Variants in SLC23A2 observed in about 807,000 individuals in gnomAD.
The protein encoded by SLC23A2 is Na(+)/L-ascorbic acid transporter 2.
In SLC23A2, 36 loss-of-function variants were observed where a neutral mutation model predicts 73.3. That is an observed-to-expected ratio of 0.49 (90% CI 0.38 to 0.65). SLC23A2 has a LOEUF of 0.65. Ranked by LOEUF, SLC23A2 falls within the 30% of genes least tolerant of loss-of-function variation. The pLI, the probability that SLC23A2 is intolerant of heterozygous loss-of-function variation, is 0.00. For missense variants in SLC23A2, 507 were observed against 841.6 expected (o/e 0.60, Z 4.92); for synonymous variants, 343 against 327.3 (o/e 1.05, Z -0.52).
At chr20:4,914,318 G>A (rs1465864696) in intron 3 of SLC23A2, among the ~76,000 whole-genome samples, 1 of 151,978 alleles carries the variant, frequency 6.6e-6, no homozygotes, top group Non-Finnish European at 1.5e-5. Context: ...ATTCATAGAA[G>A]AAAAACATAT....
intron 1 of SLC23A2, 125 bp downstream of exon 1, chr20:5,001,281 G>A (rs1432762785): frequency 6.8e-6 from 1 of 147,614 alleles, no homozygotes; most frequent in Non-Finnish European, 1.5e-5. Flanking sequence ...GCGCCGCGGG[G>A]CCGGTGGGTG....
intron 1 of SLC23A2, among the ~76,000 whole-genome samples, chr20:4,991,123 T>G (rs1159185844): frequency 1.3e-5 from 2 of 152,092 alleles, no homozygotes; most frequent in African/African-American, 4.8e-5. Context: ...TTCTTTGTTT[T>G]TGAGCAGGGT....
At position 4,883,589 on chromosome 20, in the gene SLC23A2, G is replaced by A. The variant is rs1930977702; in HGVS notation, c.824+53C>T. ...ATTATCTCCTGAAGTCTGTGTGAAT[G>A]TTCCTAAAGGCTGCCCCGCAGTGGT... On this transcript the variant is annotated intron_variant, in intron 9 of 16. Transcript: ENST00000338244. The surrounding 1 kb of genome is among the most constrained non-coding windows in gnomAD (Gnocchi z 4.5). 7.8e-7 allele frequency: 1 copy of A among 1,275,688 alleles called. No individual in the cohort carries two copies. The highest frequency in any genetic ancestry group is 2.4e-5 in the East Asian group (1 of 41,316). The allele number at this position is 1,275,688 out of a possible 1,614,324, so 79.0% of individuals were successfully genotyped here.
intron 1 of SLC23A2, among the ~76,000 whole-genome samples, chr20:4,979,414 G>C (rs946030695): frequency 2.6e-5 from 4 of 152,036 alleles, no homozygotes; most frequent in African/African-American, 4.8e-5. Context: ...CACATTTACT[G>C]GGACAATGGG....
chr20:4,993,280 C>T (rs552599689), intron 1 of SLC23A2, among the ~76,000 whole-genome samples: 2 of 143,328 alleles, frequency 1.4e-5, no homozygotes, highest in South Asian at 4.5e-4. Context: ...TGCACCCCAG[C>T]CTGGGCGACA....
intron 2 of SLC23A2, among the ~76,000 whole-genome samples, chr20:4,961,109 CTTT>C (rs1168797126): frequency 1.5e-5 from 2 of 131,142 alleles, no homozygotes; most frequent in Non-Finnish European, 3.3e-5. Context: ...TTTTCTTTTT[CTTT>C]TTTTTTTTTT....
rs945978456 is a variant in SLC23A2, at chr20:4,902,124, C to T, written c.324+318G>A. On this transcript the variant is annotated intron_variant, in intron 5 of 16. Coordinates refer to ENST00000338244, the MANE Select transcript of SLC23A2 (RefSeq NM_005116.6). This position sits in a 1 kb window ranked among gnomAD's most constrained non-coding sequence, Gnocchi z 4.0. ...CCTCAAGCGATCCTCCTGCCTCAGC[C>T]TCTTGAGTAGCTGGGACTGTGGGCA... Among the ~76,000 whole-genome samples the T allele has an allele frequency of 2.6e-5, 4 of 152,140 alleles. No homozygotes were observed. The highest frequency in any genetic ancestry group is 9.7e-5 in the African/African-American group (4 of 41,430).
At chr20:4,925,908 C>T (rs1239144546) in intron 3 of SLC23A2, among the ~76,000 whole-genome samples, 2 of 152,218 alleles carry the variant, frequency 1.3e-5, no homozygotes, top group East Asian at 1.9e-4. Context: ...AAGGGTCTCA[C>T]GTGGACACTA....
chr20:4,861,990 G>A lies in SLC23A2; in HGVS notation c.1582C>T (p.Leu528Phe). ...TGTCTGAGGTAACTTGGAAGGACGA[G>A]CCCAAAGAAGATCGAAAATCCAAGC... The part of the protein sequence containing the change: ...FVLGFSIFFG[L>F]VLPSYLRQNP... The change falls in exon 15 of 17, where the codon CTC becomes TTC. Residue 528 changes from leucine (L) to phenylalanine (F), a missense_variant. By Grantham distance (22) the Leu-to-Phe change is conservative (BLOSUM62 0). Coordinates refer to ENST00000338244, the MANE Select transcript of SLC23A2 (RefSeq NM_005116.6). The A allele has an allele frequency of 3.1e-6, 5 of 1,614,150 alleles. No homozygotes were observed. The highest frequency in any genetic ancestry group is 4.2e-6 in the Non-Finnish European group (5 of 1,179,992).
At chr20:5,003,256 C>T (rs1204312955), upstream of SLC23A2, among the ~76,000 whole-genome samples, 1 of 151,884 alleles carries the variant, frequency 6.6e-6, no homozygotes, top group Non-Finnish European at 1.5e-5. Context: ...TGGTGGCGGG[C>T]GCCTGTAGTC....
chr20:4,918,485 C>A (rs1052144081), intron 3 of SLC23A2, among the ~76,000 whole-genome samples: 1 of 152,172 alleles, frequency 6.6e-6, no homozygotes, highest in African/African-American at 2.4e-5. Context: ...AAGTCTTACA[C>A]TTGTCTTTTT....
chr20:4,926,029 C>G (rs1363641320), intron 3 of SLC23A2, among the ~76,000 whole-genome samples: 1 of 152,182 alleles, frequency 6.6e-6, no homozygotes, highest in African/African-American at 2.4e-5. Context: ...GTGCACCAGA[C>G]ACATTTAATC....
At chr20:4,917,783 T>C (rs1932377363) in intron 3 of SLC23A2, among the ~76,000 whole-genome samples, 1 of 152,150 alleles carries the variant, frequency 6.6e-6, no homozygotes, top group Admixed American at 6.5e-5. Context: ...TAAGGAAGCC[T>C]GTAATAAGAC....
chr20:5,005,996 A>G (rs1600225512), upstream of SLC23A2, among the ~76,000 whole-genome samples: 1 of 152,306 alleles, frequency 6.6e-6, no homozygotes, highest in East Asian at 1.9e-4. Flanking sequence ...CAAAAAAAAA[A>G]GGTGACAGTA....
chr20:4,957,087 G>T (rs113678532), intron 2 of SLC23A2, among the ~76,000 whole-genome samples: 1 of 151,968 alleles, frequency 6.6e-6, no homozygotes, highest in Admixed American at 6.6e-5. Flanking sequence ...GATTACAGGC[G>T]TGAGTTACTG....
At chr20:4,876,423 T>C (rs1291965308) in intron 9 of SLC23A2, among the ~76,000 whole-genome samples, 1 of 152,212 alleles carries the variant, frequency 6.6e-6, no homozygotes, top group African/African-American at 2.4e-5. Flanking sequence ...TGACTGTTTC[T>C]TTCTGCTCTA....
intron 1 of SLC23A2, among the ~76,000 whole-genome samples, chr20:4,978,254 CA>C (rs1600195533): frequency 6.6e-6 from 1 of 152,302 alleles, no homozygotes; most frequent in East Asian, 1.9e-4. Flanking sequence ...TCAGTTAACA[CA>C]AATGGTTCTA....
chr20:4,853,743 C>T lies in SLC23A2; in HGVS notation c.*3229G>A, dbSNP rs41279442. The stretch of plus-strand genomic sequence containing the variant: ...TGTTACCATGAAAACGGGAAACCAT[C>T]AGGACCCATGATGCTTCATTCTGGC... On this transcript the variant is annotated 3_prime_UTR_variant, in exon 17 of 17. Coordinates refer to ENST00000338244, the MANE Select transcript of SLC23A2 (RefSeq NM_005116.6). 131 of 152,660 alleles carry T rather than the reference C, an allele frequency of 8.6e-4. 1 individual carries two copies. The highest frequency in any genetic ancestry group is 1.9e-3 in the Admixed American group (29 of 15,306). The allele number at this position is 152,660 out of a possible 1,614,324, so 9.5% of individuals were successfully genotyped here. A position where few individuals can be genotyped will look rare whatever the true frequency, so the allele number is the denominator to read the frequency against.
intron 2 of SLC23A2, among the ~76,000 whole-genome samples, chr20:4,968,366 G>C (rs1050890866): frequency 6.6e-6 from 1 of 152,208 alleles, no homozygotes; most frequent in Non-Finnish European, 1.5e-5. Context: ...TCAGAGGACA[G>C]GGAGGCAAAG....
Sources: allele counts gnomAD v4.1 joint callset (sites outside exome capture counted in the v4.1 genomes callset), GRCh38; gene constraint gnomAD v4.1.1; non-coding constraint Gnocchi (gnomAD v3.1); transcripts MANE v1.5; gene names NCBI Gene and HGNC (gene_info 2026-07-23, HGNC 2026-07-21).